The following CRYBG1 variants were observed in gnomAD, a reference collection of about 807,000 sequenced individuals.
CRYBG1 encodes the protein beta/gamma crystallin domain-containing protein 1.
Under a neutral mutation model 189.2 loss-of-function variants are expected in CRYBG1, and 139 were observed. The ratio of observed to expected loss-of-function variants is 0.73; its 90% CI spans 0.64 to 0.85. CRYBG1 has a LOEUF of 0.85. CRYBG1 is among the 40% of genes least tolerant of loss of function. CRYBG1 has a pLI of 0.00. For missense variants in CRYBG1, 2,611 were observed against 2,675.8 expected, an observed-to-expected ratio of 0.98 and a Z score of 0.53; for synonymous variants, 1,023 against 1,017.1, an observed-to-expected ratio of 1.01 and a Z score of -0.11.
chr6:106,420,394 A>G (rs1771101119), intron 1 of CRYBG1, among the ~76,000 whole-genome samples: 1 of 152,254 alleles, frequency 6.6e-6, no homozygotes, highest in Non-Finnish European at 1.5e-5. Context: ...TGGAGGAAAA[A>G]GTAATTACAC....
At chr6:106,427,943 G>T (rs1275289105) in intron 1 of CRYBG1, among the ~76,000 whole-genome samples, 1 of 152,118 alleles carries the variant, frequency 6.6e-6, no homozygotes, top group Admixed American at 6.5e-5. Context: ...CCCTCTGTAT[G>T]GTAATGCTCT....
chr6:106,399,105 A>C (rs1467108547), intron 1 of CRYBG1, among the ~76,000 whole-genome samples: 1 of 152,240 alleles, frequency 6.6e-6, no homozygotes, highest in Non-Finnish European at 1.5e-5. Flanking sequence ...GGTAACAAAT[A>C]TATACCAGTA....
At chr6:106,489,167 C>G (rs1772659667) in intron 2 of CRYBG1, among the ~76,000 whole-genome samples, 1 of 152,156 alleles carries the variant, frequency 6.6e-6, no homozygotes, top group South Asian at 2.1e-4. Flanking sequence ...AGGCAGGATT[C>G]CTTACTCCCC....
At chr6:106,462,272 G>A (rs367595730) in intron 2 of CRYBG1, among the ~76,000 whole-genome samples, 77 of 152,172 alleles carry the variant, frequency 5.1e-4, no homozygotes, top group Non-Finnish European at 9.1e-4. Flanking sequence ...CCGGGTTCAC[G>A]CCATTCTCCC....
chr6:106,552,815 T>C (rs1264442596), intron 15 of CRYBG1, among the ~76,000 whole-genome samples: 1 of 152,224 alleles, frequency 6.6e-6, no homozygotes, highest in Non-Finnish European at 1.5e-5. Flanking sequence ...TACATTGAGA[T>C]TAATATTTCA....
chr6:106,504,651 TTGTGTGTGTGTATATG>T (rs1562092464), intron 2 of CRYBG1, among the ~76,000 whole-genome samples: 2 of 151,722 alleles, frequency 1.3e-5, no homozygotes, highest in African/African-American at 2.4e-5. Flanking sequence ...GTGTGTGTGT[TTGTGTGTGTGTATATG>T]TGTGTGTGTG....
intron 4 of CRYBG1, among the ~76,000 whole-genome samples, chr6:106,523,132 A>G (rs1174638650): frequency 1.4e-5 from 2 of 144,122 alleles, no homozygotes; most frequent in Non-Finnish European, 3.1e-5. Flanking sequence ...CAGAGATGAA[A>G]AAGGCAGGTG....
intron 2 of CRYBG1, among the ~76,000 whole-genome samples, chr6:106,460,083 G>T (rs1282475694): frequency 3.6e-4 from 55 of 151,846 alleles, no homozygotes; most frequent in African/African-American, 1.2e-3. Flanking sequence ...GCCTCCCGGG[G>T]TCATGCCATT....
At chr6:106,465,636 T>A (rs367708627) in intron 2 of CRYBG1, among the ~76,000 whole-genome samples, 2 of 152,228 alleles carry the variant, frequency 1.3e-5, no homozygotes, top group East Asian at 3.8e-4. Context: ...TAAAAACAAC[T>A]GGACTAGATT....
rs571190955 is a variant in CRYBG1, at chr6:106,436,923, G to A, written c.174-14771G>A. ...AATTAATATAACCCCCCCCACCCCC[G>A]AGTAGTATGTTAAACCATTGGACAT... On this transcript the variant is annotated intron_variant, in intron 1 of 21. Coordinates refer to ENST00000633556, the MANE Select transcript of CRYBG1 (RefSeq NM_001371242.2). Among the ~76,000 whole-genome samples, 6 of 145,806 alleles carry A rather than the reference G, an allele frequency of 4.1e-5. No homozygotes were observed. The South Asian group carries it at 8.7e-4, about 21-fold the overall frequency.
chr6:106,524,231 G>A (rs1434822053), intron 4 of CRYBG1, among the ~76,000 whole-genome samples: 2 of 152,076 alleles, frequency 1.3e-5, no homozygotes, highest in Non-Finnish European at 1.5e-5. Flanking sequence ...AAAATGATTA[G>A]TTTTGGAGCC....
intron 1 of CRYBG1, among the ~76,000 whole-genome samples, chr6:106,403,403 A>G (rs944278853): frequency 2.0e-5 from 3 of 152,204 alleles, no homozygotes; most frequent in African/African-American, 7.2e-5. Context: ...GTGGAATAAC[A>G]TGATTCCGCG....
In CRYBG1 at chr6:106,518,992, T is replaced by TAC. The variant is rs1554188425; in HGVS notation, c.1923-124_1923-123dup. On this transcript the variant is annotated intron_variant, in intron 3 of 21. Transcript: ENST00000633556. ...ATGTGTGCGCACACACACACACACA[T>TAC]ACACACACACACACACCACACTCCA... 43 of 637,202 alleles carry TAC rather than the reference T, an allele frequency of 6.7e-5. 1 individual carries two copies. Among genetic ancestry groups the TAC allele is most frequent in the South Asian group, 1.8e-4 (8 of 44,622 alleles). The allele number at this position is 637,202 out of a possible 1,614,324, so 39.5% of individuals were successfully genotyped here.
chr6:106,463,348 G>A (rs1772052114), intron 2 of CRYBG1, among the ~76,000 whole-genome samples: 3 of 151,872 alleles, frequency 2.0e-5, no homozygotes, highest in Admixed American at 6.6e-5. Context: ...TTCTCTACTT[G>A]TAATAGTATA....
intron 17 of CRYBG1, among the ~76,000 whole-genome samples, chr6:106,557,951 A>G (rs1774595052): frequency 6.6e-6 from 1 of 152,158 alleles, no homozygotes; most frequent in African/African-American, 2.4e-5. Flanking sequence ...CCTCTTGACA[A>G]TGATTCCTAC....
In CRYBG1 at chr6:106,525,268, G is replaced by A. The variant is rs777590356; in HGVS notation, c.4294G>A (p.Val1432Ile). 43 of 1,613,850 alleles carry A rather than the reference G, an allele frequency of 2.7e-5. No homozygotes were observed. The South Asian group carries it at 4.3e-4, about 16-fold the overall frequency. ...TGCTACCACTTTCGTTTTCTTGCAG[G>A]TAGTGATATATAGTGAACCCGACGT... ...QNKLNPRPGK[V>I]VIYSEPDVSE... The change falls in exon 6 of 22, where the codon GTA becomes ATA. Residue 1432 changes from valine to isoleucine, a missense_variant and splice_region_variant. Val to Ile is a conservative substitution (Grantham distance 29). Transcript: ENST00000633556.
At chr6:106,472,008 A>G (rs1022762373) in intron 2 of CRYBG1, among the ~76,000 whole-genome samples, 3 of 152,222 alleles carry the variant, frequency 2.0e-5, no homozygotes, top group Non-Finnish European at 4.4e-5. Context: ...ATTTTTCAGC[A>G]AAACATACTT....
chr6:106,424,548 G>A (rs991920608), intron 1 of CRYBG1, among the ~76,000 whole-genome samples: 7 of 151,934 alleles, frequency 4.6e-5, no homozygotes, highest in Non-Finnish European at 7.4e-5. Context: ...TGCAACCTCC[G>A]CCTCCCAGGT....
chr6:106,563,551 A>AT (rs1774787139), intron 20 of CRYBG1, among the ~76,000 whole-genome samples: 1 of 152,234 alleles, frequency 6.6e-6, no homozygotes. Flanking sequence ...ATGCACAAAC[A>AT]TTGAGATTTT....
Sources: allele counts gnomAD v4.1 joint callset (sites outside exome capture counted in the v4.1 genomes callset), GRCh38; gene constraint gnomAD v4.1.1; transcripts MANE v1.5; gene names NCBI Gene and HGNC (gene_info 2026-07-23, HGNC 2026-07-21).